The following ZBTB20 variants were observed in gnomAD, a reference collection of about 807,000 sequenced individuals.
The protein encoded by ZBTB20 is zinc finger and BTB domain containing 20.
Under a neutral mutation model 56.9 loss-of-function variants are expected in ZBTB20, and 9 were observed. That is an observed-to-expected ratio of 0.16 (90% CI 0.10 to 0.28). The LOEUF is 0.28. ZBTB20 is among the 10% of genes least tolerant of loss of function. ZBTB20 has a pLI of 1.00. For synonymous variants in ZBTB20, 417 were observed against 420.7 expected, an observed-to-expected ratio of 0.99 and a Z score of 0.11; for missense variants, 655 against 1,003.0, an observed-to-expected ratio of 0.65 and a Z score of 4.69.
At chr3:114,639,124 C>G (rs1033520425) in intron 6 of ZBTB20, among the ~76,000 whole-genome samples, 1 of 152,060 alleles carries the variant, frequency 6.6e-6, no homozygotes, top group African/African-American at 2.4e-5. Flanking sequence ...ATCGCATTTG[C>G]TTTTGGAGAA....
chr3:114,799,471 CCTGA>C (rs1449244658), intron 5 of ZBTB20, among the ~76,000 whole-genome samples: 2 of 151,870 alleles, frequency 1.3e-5, no homozygotes, highest in Admixed American at 1.3e-4. Flanking sequence ...TCATCTTCTT[CCTGA>C]CTGTCAAAAA....
At chr3:114,593,856 A>T (rs2056053243) in intron 6 of ZBTB20, among the ~76,000 whole-genome samples, 1 of 152,190 alleles carries the variant, frequency 6.6e-6, no homozygotes, top group Admixed American at 6.5e-5. Context: ...AATATAGTAG[A>T]TTTTACATTG....
intron 7 of ZBTB20, among the ~76,000 whole-genome samples, chr3:114,413,513 T>C (rs2088199642): frequency 6.6e-6 from 1 of 152,130 alleles, no homozygotes; most frequent in East Asian, 1.9e-4. Context: ...ACAAGGACAA[T>C]TGTGTCTTAT....
chr3:114,984,258 T>C (rs945448795), intron 2 of ZBTB20, among the ~76,000 whole-genome samples: 9 of 152,010 alleles, frequency 5.9e-5, no homozygotes. Flanking sequence ...ATTATACATA[T>C]ATATATTTTT....
chr3:114,624,576 A>G (rs1251339938), intron 6 of ZBTB20, among the ~76,000 whole-genome samples: 1 of 152,206 alleles, frequency 6.6e-6, no homozygotes, highest in Non-Finnish European at 1.5e-5. Context: ...AGTTCCCAGT[A>G]GACAAACTAA....
intron 6 of ZBTB20, among the ~76,000 whole-genome samples, chr3:114,638,813 C>T (rs986096497): frequency 1.3e-5 from 2 of 151,886 alleles, no homozygotes; most frequent in Non-Finnish European, 2.9e-5. Flanking sequence ...AAATATTTTC[C>T]AAAATTAATA....
intron 5 of ZBTB20, among the ~76,000 whole-genome samples, chr3:114,798,144 G>C (rs1160094904): frequency 1.3e-5 from 2 of 151,704 alleles, no homozygotes; most frequent in African/African-American, 2.4e-5. Flanking sequence ...TGGGAAGTTT[G>C]AATTCCACAC....
chr3:114,882,984 A>T (rs922558886), intron 4 of ZBTB20, among the ~76,000 whole-genome samples: 1 of 152,172 alleles, frequency 6.6e-6, no homozygotes, highest in Non-Finnish European at 1.5e-5. Flanking sequence ...CTCATTCTAG[A>T]CTTCTCTAGT....
At chr3:114,935,917 T>C (rs1418545809) in intron 3 of ZBTB20, among the ~76,000 whole-genome samples, 1 of 152,226 alleles carries the variant, frequency 6.6e-6, no homozygotes, top group Non-Finnish European at 1.5e-5. Context: ...TATAATTGCC[T>C]ACCAGATCAT....
intron 2 of ZBTB20, among the ~76,000 whole-genome samples, chr3:115,027,064 T>G (rs2080456568): frequency 6.6e-6 from 1 of 150,994 alleles, no homozygotes; most frequent in African/African-American, 2.4e-5. Flanking sequence ...GAATGAAATA[T>G]AATTCATTTA....
In ZBTB20 at chr3:114,350,572, T is replaced by A; in HGVS notation, c.1506A>T (p.Thr502=). 6.2e-7 allele frequency: 1 copy of A among 1,614,166 alleles called. No homozygotes were observed. Among genetic ancestry groups the A allele is most frequent in the East Asian group, 2.2e-5 (1 of 44,864 alleles). ...TLTSNTQVIG[T]AGNTYLPALF... is the part of the protein sequence containing the mutation. ...GGGCTGGCAGGTAGGTGTTGCCAGC[T>A]GTGCCAATGACCTGCGTGTTGCTGG... The change falls in exon 11 of 12, where the codon ACA becomes ACT. Residue 502 remains threonine (T), a synonymous_variant. Coordinates refer to ENST00000675478, the MANE Select transcript of ZBTB20 (RefSeq NM_001348800.3).
chr3:114,526,637 C>T (rs1462944594), intron 6 of ZBTB20, among the ~76,000 whole-genome samples: 2 of 152,184 alleles, frequency 1.3e-5, no homozygotes, highest in African/African-American at 4.8e-5. Context: ...TAACCTTTTA[C>T]CAGGTTTTGC....
chr3:114,441,738 A>AT (rs1246783129), intron 7 of ZBTB20, among the ~76,000 whole-genome samples: 1 of 152,172 alleles, frequency 6.6e-6, no homozygotes, highest in Non-Finnish European at 1.5e-5. Flanking sequence ...AATATAATTC[A>AT]TAATGAACAT....
At chr3:115,069,631 T>C (rs2082334796) in intron 2 of ZBTB20, among the ~76,000 whole-genome samples, 2 of 152,248 alleles carry the variant, frequency 1.3e-5, no homozygotes, top group East Asian at 1.9e-4. Flanking sequence ...GGACAGAATG[T>C]CTCTGCTAAC....
At position 114,968,306 on chromosome 3, in the gene ZBTB20, C is replaced by A. The variant is rs191360850; in HGVS notation, c.-456+6060G>T. On this transcript the variant is annotated intron_variant, in intron 3 of 11. Coordinates refer to ENST00000675478, the MANE Select transcript of ZBTB20 (RefSeq NM_001348800.3). ...CAAACTGTGAACCAAAAAGGTCAAA[C>A]CTTATAATTTACAGTTTGAGAGGTC... Among the ~76,000 whole-genome samples, 761 of 152,178 alleles carry A rather than the reference C, an allele frequency of 5.0e-3. 5 individuals carry two copies. Among genetic ancestry groups the A allele is most frequent in the South Asian group, 0.016 (78 of 4,820 alleles).
At chr3:114,600,997 T>C (rs2056720648) in intron 6 of ZBTB20, among the ~76,000 whole-genome samples, 1 of 151,966 alleles carries the variant, frequency 6.6e-6, no homozygotes, top group Non-Finnish European at 1.5e-5. Flanking sequence ...CTTTTACTTA[T>C]GGAAAATATT....
intron 8 of ZBTB20, among the ~76,000 whole-genome samples, chr3:114,383,292 G>A (rs956935568): frequency 6.6e-6 from 1 of 152,204 alleles, no homozygotes; most frequent in African/African-American, 2.4e-5. Context: ...CAGGGCCTAG[G>A]ATACTTTCAG....
chr3:114,900,539 AC>A, intron 3 of ZBTB20, 197 bp from the exon 4 acceptor site: 1 of 152,144 alleles, frequency 6.6e-6, no homozygotes, highest in African/African-American at 2.4e-5. Context: ...ACACACACAC[AC>A]ACACACACAG....
At chr3:114,521,142 AT>A (rs1459323955) in intron 6 of ZBTB20, among the ~76,000 whole-genome samples, 1 of 152,142 alleles carries the variant, frequency 6.6e-6, no homozygotes, top group Non-Finnish European at 1.5e-5. Context: ...TAATATAGCA[AT>A]TTTTGCATAA....
Sources: allele counts gnomAD v4.1 joint callset (sites outside exome capture counted in the v4.1 genomes callset), GRCh38; gene constraint gnomAD v4.1.1; transcripts MANE v1.5; gene names NCBI Gene and HGNC (gene_info 2026-07-23, HGNC 2026-07-21).